Variants in PRELID2 observed in about 807,000 individuals in gnomAD.
PRELID2 encodes PRELI domain-containing protein 2.
A neutral mutation model predicts 28.4 loss-of-function variants in PRELID2; 25 were observed. The ratio of observed to expected loss-of-function variants is 0.88; its 90% confidence interval spans 0.64 to 1.23. PRELID2 has a LOEUF of 1.23. Among genes scored for constraint, PRELID2 ranks in the 50% most tolerant of loss-of-function variants. PRELID2 has a pLI of 0.00. For synonymous variants in PRELID2, 76 were observed against 71.6 expected, an observed-to-expected ratio of 1.06 and a Z score of -0.31; for missense variants, 201 against 214.4, an observed-to-expected ratio of 0.94 and a Z score of 0.39.
intron 1 of PRELID2, among the ~76,000 whole-genome samples, chr5:145,548,583 GATCTGGGC>G (rs1303276818): frequency 6.6e-6 from 1 of 152,108 alleles, no homozygotes; most frequent in African/African-American, 2.4e-5. Context: ...CAGTGCCAGA[GATCTGGGC>G]ATCATTTCTG....
the PRELID2 span, among the ~76,000 whole-genome samples, chr5:145,391,621 C>G: frequency 6.6e-6 from 1 of 151,996 alleles, no homozygotes; most frequent in Non-Finnish European, 1.5e-5. Flanking sequence ...GATTAACATT[C>G]AACTCCTCAT....
intron 5 of PRELID2, among the ~76,000 whole-genome samples, chr5:145,794,688 T>C (rs1459267813): frequency 6.6e-6 from 1 of 152,116 alleles, no homozygotes; most frequent in African/African-American, 2.4e-5. Flanking sequence ...TTAAGTCAAG[T>C]CATTTCTCAT....
At chr5:145,489,174 G>A (rs1200749086) in intron 1 of PRELID2, among the ~76,000 whole-genome samples, 1 of 152,090 alleles carries the variant, frequency 6.6e-6, no homozygotes, top group Admixed American at 6.6e-5. Context: ...CATTGAATAT[G>A]TATACCATGA....
intron 2 of PRELID2, among the ~76,000 whole-genome samples, chr5:145,820,955 G>A (rs963815107): frequency 2.0e-5 from 3 of 152,098 alleles, no homozygotes; most frequent in African/African-American, 4.8e-5. Context: ...TTTTACGCAC[G>A]TTGGCATATA....
At chr5:145,582,918 G>C (rs78466687) in intron 1 of PRELID2, among the ~76,000 whole-genome samples, 1 of 151,954 alleles carries the variant, frequency 6.6e-6, no homozygotes, top group Admixed American at 6.6e-5. Flanking sequence ...AAAGTTTAAA[G>C]GAGGGACTCC....
chr5:145,477,109 G>A (rs1752109271), intron 1 of PRELID2, among the ~76,000 whole-genome samples: 1 of 152,184 alleles, frequency 6.6e-6, no homozygotes, highest in African/African-American at 2.4e-5. Context: ...CATGGCAAGT[G>A]GTAGAAACTC....
At chr5:145,464,822 G>C in the PRELID2 span, among the ~76,000 whole-genome samples, 1 of 152,056 alleles carries the variant, frequency 6.6e-6, no homozygotes, top group Non-Finnish European at 1.5e-5. Context: ...AGGTACAGAA[G>C]GTATGGTTTC....
chr5:145,404,095 T>G, the PRELID2 span, among the ~76,000 whole-genome samples: 1 of 152,210 alleles, frequency 6.6e-6, no homozygotes, highest in African/African-American at 2.4e-5. Context: ...ACCTGTGACT[T>G]CTATGATCTC....
At chr5:145,595,685 A>T (rs1279884861) in intron 1 of PRELID2, among the ~76,000 whole-genome samples, 1 of 152,154 alleles carries the variant, frequency 6.6e-6, no homozygotes, top group East Asian at 1.9e-4. Context: ...GCCCCTCCAG[A>T]GTAGACTGTA....
the PRELID2 span, among the ~76,000 whole-genome samples, chr5:145,374,463 G>T: frequency 6.6e-6 from 1 of 152,058 alleles, no homozygotes; most frequent in Non-Finnish European, 1.5e-5. Flanking sequence ...TGTGTGTTGG[G>T]TTGATCTTCT....
the PRELID2 span, among the ~76,000 whole-genome samples, chr5:145,363,281 C>T: frequency 6.6e-6 from 1 of 152,016 alleles, no homozygotes; most frequent in East Asian, 1.9e-4. Flanking sequence ...TACTAAACAA[C>T]TCTTAAGGGC....
At chr5:145,435,956 A>G in the PRELID2 span, among the ~76,000 whole-genome samples, 1 of 152,146 alleles carries the variant, frequency 6.6e-6, no homozygotes, top group Non-Finnish European at 1.5e-5. Context: ...TTTTTATTTT[A>G]GATTCAAGGG....
chr5:145,452,345 C>T, the PRELID2 span, among the ~76,000 whole-genome samples: 1 of 152,192 alleles, frequency 6.6e-6, no homozygotes, highest in Admixed American at 6.6e-5. Context: ...CAAGACTCAA[C>T]ATCTTTTATT....
At chr5:145,302,688 A>T in the PRELID2 span, among the ~76,000 whole-genome samples, 1 of 152,022 alleles carries the variant, frequency 6.6e-6, no homozygotes, top group African/African-American at 2.4e-5. Context: ...TGTGATTAGT[A>T]TTAATATATT....
the PRELID2 span, among the ~76,000 whole-genome samples, chr5:145,413,305 A>G: frequency 0.41 from 62,408 of 151,772 alleles, 13,191 homozygotes; most frequent in Admixed American, 0.48. Flanking sequence ...CTCTTGCAAG[A>G]ATGACCATGA....
intron 4 of PRELID2, among the ~76,000 whole-genome samples, chr5:145,803,402 A>AGC (rs1753270531): frequency 5.6e-5 from 2 of 35,546 alleles, no homozygotes; most frequent in Non-Finnish European, 2.0e-4. Context: ...TACGTGTAAA[A>AGC]TCACACACAC....
chr5:145,600,492 C>A (rs1753380953), intron 1 of PRELID2, among the ~76,000 whole-genome samples: 1 of 148,518 alleles, frequency 6.7e-6, no homozygotes, highest in Non-Finnish European at 1.5e-5. Flanking sequence ...CATGCCTTGA[C>A]CCAGTAGCAA....
chr5:145,474,504 AAG>A, intron 1 of PRELID2, among the ~76,000 whole-genome samples: 1 of 152,148 alleles, frequency 6.6e-6, no homozygotes. Flanking sequence ...CAAATCATTG[AAG>A]AGTTCTGTGT....
intron 1 of PRELID2, among the ~76,000 whole-genome samples, chr5:145,602,822 CG>C (rs1213028075): frequency 6.6e-6 from 1 of 151,828 alleles, no homozygotes; most frequent in Non-Finnish European, 1.5e-5. Context: ...CAACAAAATG[CG>C]GGTGAATCAC....
Sources: allele counts gnomAD v4.1 joint callset (sites outside exome capture counted in the v4.1 genomes callset), GRCh38; gene constraint gnomAD v4.1.1; transcripts MANE v1.5; gene names NCBI Gene and HGNC (gene_info 2026-07-23, HGNC 2026-07-21).